The following CPNE4 variants were observed in gnomAD, a reference collection of about 807,000 sequenced individuals.
CPNE4 encodes the protein copine 4.
Under a neutral mutation model 67.9 loss-of-function variants are expected in CPNE4, and 25 were observed. The ratio of observed to expected loss-of-function variants is 0.37; its 90% CI spans 0.27 to 0.51. CPNE4 has a LOEUF of 0.51. Ranked by LOEUF, CPNE4 falls within the 20% of genes least tolerant of loss-of-function variation. The pLI, the probability that CPNE4 is intolerant of heterozygous loss-of-function variation, is 0.93. For missense variants in CPNE4, 464 were observed against 690.8 expected (o/e 0.67, Z 3.68); for synonymous variants, 242 against 244.9 (o/e 0.99, Z 0.11).
intron 2 of CPNE4, among the ~76,000 whole-genome samples, chr3:131,856,655 C>T (rs2086456512): frequency 6.6e-6 from 1 of 151,914 alleles, no homozygotes; most frequent in African/African-American, 2.4e-5. Flanking sequence ...AATGATGGAA[C>T]CTTAGAAACA....
At chr3:131,848,690 A>C (rs145718557) in intron 2 of CPNE4, among the ~76,000 whole-genome samples, 2,008 of 150,320 alleles carry the variant, frequency 0.013, 22 homozygotes, top group Middle Eastern at 0.077. Context: ...AAACCTGCAG[A>C]TTTGCGCTCA....
intron 6 of CPNE4, among the ~76,000 whole-genome samples, chr3:131,672,655 A>G (rs2080450854): frequency 6.6e-6 from 1 of 152,044 alleles, no homozygotes; most frequent in Non-Finnish European, 1.5e-5. Flanking sequence ...GTTTATTCAT[A>G]TCTTTTGCCC....
Position 131,696,623 on chromosome 3 carries a change from G to A in CPNE4, c.433-7C>T. 6.2e-7 allele frequency: 1 copy of A among 1,613,508 alleles called. No individual in the cohort carries two copies. Among genetic ancestry groups the A allele is most frequent in the Non-Finnish European group, 8.5e-7 (1 of 1,179,634 alleles). ...ATAATTCTTCAGCAATCACCTAAAG[G>A]AAAAAGCACACATCAGCTGCAATAG... is the stretch of plus-strand genomic sequence containing the variant. On this transcript the variant is annotated splice_polypyrimidine_tract_variant and splice_region_variant and intron_variant, in intron 4 of 15. Transcript: ENST00000429747.
At chr3:131,796,478 A>G (rs1045719123) in intron 2 of CPNE4, among the ~76,000 whole-genome samples, 2 of 152,070 alleles carry the variant, frequency 1.3e-5, no homozygotes, top group Non-Finnish European at 2.9e-5. Context: ...TGCAAAGAGG[A>G]CATGTTGTAT....
chr3:131,841,221 A>G (rs1335101936), intron 2 of CPNE4, among the ~76,000 whole-genome samples: 1 of 152,248 alleles, frequency 6.6e-6, no homozygotes, highest in East Asian at 1.9e-4. Flanking sequence ...TTCCCTTCCA[A>G]AGAAGTATAA....
At chr3:131,537,299 T>C (rs1935209235) in intron 15 of CPNE4, among the ~76,000 whole-genome samples, 1 of 149,928 alleles carries the variant, frequency 6.7e-6, no homozygotes, top group African/African-American at 2.5e-5. Context: ...TTTTTTTTTT[T>C]TTGAGATGGA....
intron 7 of CPNE4, among the ~76,000 whole-genome samples, chr3:131,592,347 A>G (rs1938583611): frequency 6.6e-6 from 1 of 152,170 alleles, no homozygotes; most frequent in Non-Finnish European, 1.5e-5. Context: ...CACAACTAAC[A>G]CTAGGTAATC....
chr3:132,022,660 A>G (rs1464865621), intron 1 of CPNE4, among the ~76,000 whole-genome samples: 4 of 152,174 alleles, frequency 2.6e-5, no homozygotes, highest in African/African-American at 9.7e-5. Context: ...TAAAATGACA[A>G]ATGATCATCT....
chr3:131,760,862 G>A (rs2082869054), intron 2 of CPNE4, among the ~76,000 whole-genome samples: 1 of 152,098 alleles, frequency 6.6e-6, no homozygotes. Context: ...TATCTTGGGT[G>A]GTAATTGGGT....
intron 7 of CPNE4, among the ~76,000 whole-genome samples, chr3:131,643,475 T>A (rs1289030237): frequency 6.6e-6 from 1 of 152,208 alleles, no homozygotes; most frequent in Admixed American, 6.5e-5. Flanking sequence ...GCTTTTGATT[T>A]CATAGGCTCA....
At chr3:131,728,022 A>G (rs948006987) in intron 2 of CPNE4, among the ~76,000 whole-genome samples, 2 of 152,050 alleles carry the variant, frequency 1.3e-5, no homozygotes, top group South Asian at 2.1e-4. Context: ...ATATTCATGT[A>G]CAATCCTTTG....
chr3:131,560,863 G>C (rs747601344), intron 11 of CPNE4, among the ~76,000 whole-genome samples: 15 of 151,898 alleles, frequency 9.9e-5, no homozygotes, highest in Non-Finnish European at 2.1e-4. Flanking sequence ...TGGGGTGCAG[G>C]TATCGTCACA....
chr3:131,863,979 T>C (rs1316661363), intron 2 of CPNE4, among the ~76,000 whole-genome samples: 5 of 151,988 alleles, frequency 3.3e-5, no homozygotes, highest in Admixed American at 6.6e-5. Flanking sequence ...TCCTCATTTC[T>C]TGTTTTTGTC....
At chr3:131,890,443 A>C (rs925500338) in intron 2 of CPNE4, among the ~76,000 whole-genome samples, 3 of 151,700 alleles carry the variant, frequency 2.0e-5, no homozygotes, top group Non-Finnish European at 4.4e-5. Flanking sequence ...GAAAAAAAAA[A>C]CCTACCATTA....
chr3:131,538,356 C>A (rs1463325557), intron 15 of CPNE4, among the ~76,000 whole-genome samples: 2 of 152,212 alleles, frequency 1.3e-5, no homozygotes, highest in African/African-American at 4.8e-5. Context: ...CCATATTGGA[C>A]AGCATTGTTC....
At position 131,775,083 on chromosome 3, in the gene CPNE4, G is replaced by T. The variant is rs114722173; in HGVS notation, c.181-51458C>A. On this transcript the variant is annotated intron_variant, in intron 2 of 15. Transcript: ENST00000429747. Reference sequence around the variant, plus strand: ...TCTTACCTAGATCTCTTTCCCCAAGGCTAGTAAATTAAATAACCCAATCAG... The same window carrying T: ...TCTTACCTAGATCTCTTTCCCCAAGTCTAGTAAATTAAATAACCCAATCAG... Among the ~76,000 whole-genome samples the T allele has an allele frequency of 6.8e-3, 1,029 of 152,144 alleles. 14 individuals are homozygous for T. Among genetic ancestry groups the T allele is most frequent in the African/African-American group, 0.023 (958 of 41,542 alleles).
At chr3:131,726,905 G>T (rs1343692578) in intron 2 of CPNE4, among the ~76,000 whole-genome samples, 1 of 152,124 alleles carries the variant, frequency 6.6e-6, no homozygotes, top group Non-Finnish European at 1.5e-5. Context: ...CTTGTGTGAG[G>T]TCAAGTTTTA....
At chr3:131,811,071 C>A (rs2084506341) in intron 2 of CPNE4, among the ~76,000 whole-genome samples, 1 of 151,962 alleles carries the variant, frequency 6.6e-6, no homozygotes, top group Non-Finnish European at 1.5e-5. Context: ...TTTAGTTACA[C>A]AAGATAAATA....
In CPNE4 at chr3:132,023,786, C is replaced by T. The variant is rs938137383; in HGVS notation, c.-2+10781G>A. 2.6e-5 allele frequency among the ~76,000 whole-genome samples: 4 copies of T among 152,064 alleles called. No individual in the cohort carries two copies. The South Asian group carries it at 8.3e-4, about 32-fold the overall frequency. ...ACAGGCGTGAGCCACCGCACCCGGCCCAGATCAGCCTTTTATTTAGCAAGT... is the reference window on the plus strand; with the variant it reads ...ACAGGCGTGAGCCACCGCACCCGGCTCAGATCAGCCTTTTATTTAGCAAGT... On this transcript the variant is annotated intron_variant, in intron 1 of 15. Coordinates refer to ENST00000429747, the MANE Select transcript of CPNE4 (RefSeq NM_130808.3).
Sources: allele counts gnomAD v4.1 joint callset (sites outside exome capture counted in the v4.1 genomes callset), GRCh38; gene constraint gnomAD v4.1.1; transcripts MANE v1.5; gene names NCBI Gene and HGNC (gene_info 2026-07-23, HGNC 2026-07-21).